Variants in DGKB observed in about 807,000 individuals in gnomAD.
The protein encoded by DGKB is 90 kDa diacylglycerol kinase.
DGKB carries 67 observed loss-of-function variants against 114.3 expected under a neutral mutation model. That is an observed-to-expected ratio of 0.59 (90% CI 0.48 to 0.72). The LOEUF (loss-of-function observed/expected upper bound fraction) is 0.72, where lower values mean the gene tolerates loss of function less well. DGKB is among the 30% of genes least tolerant of loss of function. The pLI, the probability that DGKB is intolerant of heterozygous loss-of-function variation, is 0.00. For synonymous variants in DGKB, 398 were observed against 323.1 expected (o/e 1.23, Z -2.49); for missense variants, 907 against 975.2 (o/e 0.93, Z 0.93).
intron 20 of DGKB, among the ~76,000 whole-genome samples, chr7:14,542,503 C>G (rs1793624470): frequency 6.6e-6 from 1 of 152,194 alleles, no homozygotes; most frequent in African/African-American, 2.4e-5. Flanking sequence ...AATCCCTACA[C>G]TCCCTTACAT....
intron 21 of DGKB, among the ~76,000 whole-genome samples, chr7:14,458,995 G>A (rs916123662): frequency 1.3e-5 from 2 of 152,178 alleles, no homozygotes; most frequent in Non-Finnish European, 2.9e-5. Context: ...AAGTCAACCT[G>A]GGATGCTCCA....
intron 23 of DGKB, among the ~76,000 whole-genome samples, chr7:14,260,184 G>A (rs901694590): frequency 6.6e-6 from 1 of 151,888 alleles, no homozygotes; most frequent in Non-Finnish European, 1.5e-5. Flanking sequence ...AATAATTCAT[G>A]TTGGGATGGA....
chr7:14,802,553 T>C (rs1218343148), intron 2 of DGKB, among the ~76,000 whole-genome samples: 1 of 152,212 alleles, frequency 6.6e-6, no homozygotes, highest in Non-Finnish European at 1.5e-5. Flanking sequence ...TAATTCAATT[T>C]ATAAACCAAT....
At chr7:14,359,079 G>C (rs181809532) in intron 21 of DGKB, among the ~76,000 whole-genome samples, 1 of 151,788 alleles carries the variant, frequency 6.6e-6, no homozygotes, top group Non-Finnish European at 1.5e-5. Flanking sequence ...AACCAAAACA[G>C]CATGGTACTG....
intron 23 of DGKB, among the ~76,000 whole-genome samples, chr7:14,331,589 A>T (rs1809729187): frequency 6.6e-6 from 1 of 152,138 alleles, no homozygotes; most frequent in Non-Finnish European, 1.5e-5. Context: ...AGGTATACAA[A>T]GTGTACAATT....
intron 13 of DGKB, among the ~76,000 whole-genome samples, chr7:14,658,057 C>A (rs1234788970): frequency 1.3e-5 from 2 of 151,884 alleles, no homozygotes; most frequent in Admixed American, 6.6e-5. Flanking sequence ...ACCATATTTA[C>A]AATGCATAAT....
At chr7:14,667,838 T>C (rs1818304034) in intron 13 of DGKB, among the ~76,000 whole-genome samples, 1 of 152,106 alleles carries the variant, frequency 6.6e-6, no homozygotes, top group African/African-American at 2.4e-5. Flanking sequence ...GAAAGTAACC[T>C]TTTAATTCGG....
intron 1 of DGKB, among the ~76,000 whole-genome samples, chr7:14,955,962 G>C (rs1786478722): frequency 6.6e-6 from 1 of 151,942 alleles, no homozygotes; most frequent in Non-Finnish European, 1.5e-5. Context: ...TAGGCATGAG[G>C]TATGTGTAGC....
At chr7:14,594,400 T>C (rs1386865538) in intron 17 of DGKB, among the ~76,000 whole-genome samples, 1 of 152,074 alleles carries the variant, frequency 6.6e-6, no homozygotes, top group Non-Finnish European at 1.5e-5. Flanking sequence ...GTTACATGAC[T>C]AAACATAGAG....
chr7:14,495,039 TTTA>T (rs1172336167), intron 20 of DGKB, among the ~76,000 whole-genome samples: 1 of 151,872 alleles, frequency 6.6e-6, no homozygotes, highest in Non-Finnish European at 1.5e-5. Flanking sequence ...AATCAAATTA[TTTA>T]TTTTCTGTTG....
chr7:14,731,662 G>C (rs974357055), intron 5 of DGKB, among the ~76,000 whole-genome samples: 23 of 152,126 alleles, frequency 1.5e-4, no homozygotes, highest in African/African-American at 5.5e-4. Context: ...TTTGATTGAC[G>C]GTTGAGGTTG....
At chr7:14,165,354 C>G (rs865907264) in intron 25 of DGKB, among the ~76,000 whole-genome samples, 1 of 152,126 alleles carries the variant, frequency 6.6e-6, no homozygotes, top group Non-Finnish European at 1.5e-5. Flanking sequence ...GTACAACTTA[C>G]TAATTTGTTT....
chr7:14,581,607 T>C (rs1799943783), intron 18 of DGKB, among the ~76,000 whole-genome samples: 1 of 152,184 alleles, frequency 6.6e-6, no homozygotes, highest in South Asian at 2.1e-4. Flanking sequence ...CCATATGCTT[T>C]GGTTTGAATC....
intron 20 of DGKB, among the ~76,000 whole-genome samples, chr7:14,568,313 T>C (rs1197498885): frequency 1.3e-5 from 2 of 152,168 alleles, no homozygotes; most frequent in East Asian, 3.8e-4. Flanking sequence ...CTGGCTAAAT[T>C]GGAAAAGCAT....
intron 21 of DGKB, among the ~76,000 whole-genome samples, chr7:14,392,996 T>TTTTTGTTTTTG (rs1387881634): frequency 3.0e-4 from 8 of 26,412 alleles, no homozygotes; most frequent in African/African-American, 1.6e-3. Flanking sequence ...TTTGTTTTTG[T>TTTTTGTTTTTG]TTTTTTTTTT....
At chr7:14,318,705 C>T (rs549047545) in intron 23 of DGKB, among the ~76,000 whole-genome samples, 10 of 152,166 alleles carry the variant, frequency 6.6e-5, no homozygotes, top group Non-Finnish European at 1.3e-4. Context: ...TAAACTAGTT[C>T]ACCCATTGTG....
At chr7:14,772,460 A>C (rs1837558457) in intron 2 of DGKB, among the ~76,000 whole-genome samples, 1 of 152,168 alleles carries the variant, frequency 6.6e-6, no homozygotes, top group African/African-American at 2.4e-5. Flanking sequence ...GTCTTACCAC[A>C]TTGGATAGTA....
At chr7:14,508,489 T>C (rs1211602993) in intron 20 of DGKB, among the ~76,000 whole-genome samples, 1 of 152,170 alleles carries the variant, frequency 6.6e-6, no homozygotes, top group Non-Finnish European at 1.5e-5. Context: ...CCTGAAGGTG[T>C]TGATTTTAGA....
At chr7:14,631,288 A>G (rs1292658325) in intron 13 of DGKB, among the ~76,000 whole-genome samples, 1 of 151,556 alleles carries the variant, frequency 6.6e-6, no homozygotes, top group Admixed American at 6.6e-5. Context: ...AAAAAGAAAA[A>G]AATAGCTGAA....
Sources: allele counts gnomAD v4.1 joint callset (sites outside exome capture counted in the v4.1 genomes callset), GRCh38; gene constraint gnomAD v4.1.1; transcripts MANE v1.5; gene names NCBI Gene and HGNC (gene_info 2026-07-23, HGNC 2026-07-21).